CELF2: variants seen among roughly 807,000 people sequenced by gnomAD.
CELF2 encodes CUGBP Elav-like family member 2.
A neutral mutation model predicts 62.6 loss-of-function variants in CELF2; 8 were observed. The ratio of observed to expected loss-of-function variants is 0.13; its 90% CI spans 0.07 to 0.23. The LOEUF (loss-of-function observed/expected upper bound fraction) is 0.23, where lower values mean the gene tolerates loss of function less well. CELF2 is among the 10% of genes least tolerant of loss of function. The probability of loss-of-function intolerance (pLI) is 1.00; values close to 1 mark genes in which losing one functional copy is unlikely to be tolerated. For synonymous variants in CELF2, 258 were observed against 250.0 expected, an observed-to-expected ratio of 1.03 and a Z score of -0.30; for missense variants, 333 against 671.0, an observed-to-expected ratio of 0.50 and a Z score of 5.56.
chr10:10,869,325 A>T (rs1321317099), intron 1 of CELF2, among the ~76,000 whole-genome samples: 1 of 152,182 alleles, frequency 6.6e-6, no homozygotes, highest in Non-Finnish European at 1.5e-5. Context: ...GCACTTTGGG[A>T]GGCCAAGGCG....
the CELF2 span, among the ~76,000 whole-genome samples, chr10:10,494,694 C>A: frequency 6.6e-6 from 1 of 152,262 alleles, no homozygotes; most frequent in East Asian, 1.9e-4. Flanking sequence ...TTTTGAGCAT[C>A]TGTTCTGTGT....
chr10:11,272,352 T>C (rs933019735), intron 7 of CELF2, among the ~76,000 whole-genome samples: 4 of 152,224 alleles, frequency 2.6e-5, no homozygotes, highest in African/African-American at 7.2e-5. Context: ...TTGACTATGA[T>C]TTGTTTTTCA....
chr10:10,862,350 C>T (rs893136591), intron 1 of CELF2, among the ~76,000 whole-genome samples: 5 of 152,168 alleles, frequency 3.3e-5, no homozygotes, highest in Admixed American at 6.6e-5. Context: ...GATCTGAAGG[C>T]TCTACTGGGG....
At chr10:10,695,042 T>A in the CELF2 span, among the ~76,000 whole-genome samples, 87 of 150,690 alleles carry the variant, frequency 5.8e-4, 2 homozygotes, top group African/African-American at 2.0e-3. Flanking sequence ...AATTTGATCC[T>A]GTCATTATGA....
intron 5 of CELF2, among the ~76,000 whole-genome samples, chr10:11,264,641 CAG>C (rs1428454747): frequency 1.3e-5 from 2 of 152,214 alleles, no homozygotes; most frequent in East Asian, 1.9e-4. Context: ...TACTTGGAAA[CAG>C]ATGGTAAATT....
At chr10:11,164,523 T>G (rs888378143) in intron 1 of CELF2, among the ~76,000 whole-genome samples, 1 of 152,192 alleles carries the variant, frequency 6.6e-6, no homozygotes, top group African/African-American at 2.4e-5. Flanking sequence ...GCAGACTTTC[T>G]TTTTTTCTCT....
At chr10:10,598,334 C>A in the CELF2 span, among the ~76,000 whole-genome samples, 2 of 152,156 alleles carry the variant, frequency 1.3e-5, no homozygotes, top group Non-Finnish European at 2.9e-5. Flanking sequence ...AGTCATCCTT[C>A]TTCTAGAGGG....
the CELF2 span, among the ~76,000 whole-genome samples, chr10:10,611,763 G>A: frequency 1.3e-5 from 2 of 152,190 alleles, no homozygotes; most frequent in Admixed American, 1.3e-4. Flanking sequence ...TGGATAGGCA[G>A]ACAGATAGAT....
Position 10,860,670 on chromosome 10 carries a change from C to T in CELF2, c.54-59294C>T, listed in dbSNP as rs189382944. Among the ~76,000 whole-genome samples the T allele has an allele frequency of 1.1e-3, 167 of 152,316 alleles. 1 individual carries two copies. Among genetic ancestry groups the T allele is most frequent in the Non-Finnish European group, 5.6e-4 (38 of 68,038 alleles). Reference sequence around the variant, plus strand: ...AAAGAACAATTTATGAATTGAGCAGCACTCAGAACCAGGAGAGGTTCACAG... The same window carrying T: ...AAAGAACAATTTATGAATTGAGCAGTACTCAGAACCAGGAGAGGTTCACAG... On this transcript the variant is annotated intron_variant, in intron 1 of 13. Coordinates refer to the CELF2 transcript ENST00000636488.
At chr10:11,035,980 G>A (rs1203539625) in intron 1 of CELF2, among the ~76,000 whole-genome samples, 1 of 152,174 alleles carries the variant, frequency 6.6e-6, no homozygotes, top group Non-Finnish European at 1.5e-5. Flanking sequence ...TCCATCCCTG[G>A]TAGTAATGTT....
rs570553344 is a variant in CELF2 at position 10,974,189 on chromosome 10, G to A, written c.89+54190G>A. 3.9e-5 allele frequency among the ~76,000 whole-genome samples: 6 copies of A among 152,274 alleles called. No homozygotes were observed. In the East Asian group the frequency reaches 7.7e-4, roughly 20 times the overall value. On this transcript the variant is annotated intron_variant, in intron 2 of 13. Transcript: ENST00000636488. ...AATGAGATAATTTATGATGTGTGCC[G>A]AGCACACAGTAGTTATTCAATAAAT...
chr10:10,900,464 A>G (rs748241767), intron 1 of CELF2, among the ~76,000 whole-genome samples: 21 of 152,180 alleles, frequency 1.4e-4, no homozygotes, highest in Admixed American at 1.3e-4. Flanking sequence ...AAAACCACAT[A>G]ATCATCTCAA....
the CELF2 span, among the ~76,000 whole-genome samples, chr10:10,719,375 TG>T: frequency 2.6e-5 from 4 of 152,062 alleles, 1 homozygote; most frequent in African/African-American, 9.7e-5. Flanking sequence ...CCTCTCACCT[TG>T]GCCTCCCAAG....
intron 1 of CELF2, among the ~76,000 whole-genome samples, chr10:10,816,740 A>G (rs17520345): frequency 0.12 from 18,374 of 152,242 alleles, 1,411 homozygotes; most frequent in Non-Finnish European, 0.18. Flanking sequence ...CTTTGCCATT[A>G]AATTCTCCAC....
At chr10:10,646,059 T>A in the CELF2 span, among the ~76,000 whole-genome samples, 1 of 152,186 alleles carries the variant, frequency 6.6e-6, no homozygotes, top group Non-Finnish European at 1.5e-5. Context: ...CGTCTCATTC[T>A]CCATTGAGGT....
rs537277968 is a variant in CELF2, at chr10:10,815,978, T to A, written c.53+17161T>A. 2.0e-3 allele frequency among the ~76,000 whole-genome samples: 309 copies of A among 151,402 alleles called. 1 individual carries two copies. The highest frequency in any genetic ancestry group is 3.2e-3 in the Admixed American group (49 of 15,180). ...TCGTTTCTTATTTTTTGGCAGACGA[T>A]GTTTTATCTTCGTGAAAACAGTGAA... On this transcript the variant is annotated intron_variant, in intron 1 of 13. Coordinates refer to the CELF2 transcript ENST00000636488.
At chr10:11,026,669 T>C (rs1242602037) in intron 1 of CELF2, among the ~76,000 whole-genome samples, 1 of 152,188 alleles carries the variant, frequency 6.6e-6, no homozygotes, top group Admixed American at 6.5e-5. Context: ...CCTTCTTATG[T>C]TTTCCTGATT....
intron 2 of CELF2, among the ~76,000 whole-genome samples, chr10:11,166,782 C>T (rs1441807936): frequency 6.6e-6 from 1 of 152,212 alleles, no homozygotes; most frequent in Non-Finnish European, 1.5e-5. Flanking sequence ...TTTCTCTAAC[C>T]CTTTTCCTTA....
chr10:10,542,641 G>A, the CELF2 span, among the ~76,000 whole-genome samples: 1 of 152,168 alleles, frequency 6.6e-6, no homozygotes, highest in Non-Finnish European at 1.5e-5. Context: ...TTAGTTGGAG[G>A]TACTATATTT....
Sources: gnomAD v4.1 joint callset for allele counts (sites outside exome capture counted in the v4.1 genomes callset) on GRCh38, gnomAD v4.1.1 for gene constraint, MANE v1.5 for transcripts, NCBI Gene and HGNC (gene_info 2026-07-23, HGNC 2026-07-21) for gene names.